NRG3: variants seen among roughly 807,000 people sequenced by gnomAD.
The protein encoded by NRG3 is pro-neuregulin-3, membrane-bound isoform.
NRG3 carries 31 observed loss-of-function variants against 66.9 expected under a neutral mutation model. The ratio of observed to expected loss-of-function variants is 0.46; its 90% CI spans 0.35 to 0.63. The LOEUF (loss-of-function observed/expected upper bound fraction) is 0.63. Ranked by LOEUF, NRG3 falls within the 20% of genes least tolerant of loss-of-function variation. The probability of loss-of-function intolerance (pLI) is 0.00; values close to 1 mark genes in which losing one functional copy is unlikely to be tolerated. For synonymous variants in NRG3, 393 were observed against 359.4 expected, an observed-to-expected ratio of 1.09 and a Z score of -1.06; for missense variants, 910 against 878.9, an observed-to-expected ratio of 1.04 and a Z score of -0.45.
At chr10:81,976,890 CTT>C (rs1187133016) in intron 1 of NRG3, among the ~76,000 whole-genome samples, 1 of 152,152 alleles carries the variant, frequency 6.6e-6, no homozygotes, top group East Asian at 1.9e-4. Context: ...ATCTGATAAA[CTT>C]GTATACAAAC....
At chr10:82,239,827 T>C (rs2076929020) in intron 1 of NRG3, among the ~76,000 whole-genome samples, 1 of 152,170 alleles carries the variant, frequency 6.6e-6, no homozygotes, top group Middle Eastern at 3.2e-3. Flanking sequence ...ATTTTGATAA[T>C]ATAGTGTGAG....
At chr10:82,579,308 A>G (rs756007303) in intron 2 of NRG3, among the ~76,000 whole-genome samples, 31 of 152,062 alleles carry the variant, frequency 2.0e-4, no homozygotes, top group Admixed American at 5.3e-4. Flanking sequence ...ATCACCTTAA[A>G]TAAAGGTAAA....
At chr10:82,810,782 G>C (rs1329623466) in intron 3 of NRG3, among the ~76,000 whole-genome samples, 1 of 149,964 alleles carries the variant, frequency 6.7e-6, no homozygotes, top group East Asian at 1.9e-4. Context: ...AATAGTCCAA[G>C]CCAGTGATGC....
At chr10:82,631,220 C>T (rs1408393850) in intron 2 of NRG3, among the ~76,000 whole-genome samples, 1 of 152,158 alleles carries the variant, frequency 6.6e-6, no homozygotes, top group Non-Finnish European at 1.5e-5. Context: ...AATGTCTCCA[C>T]TGCAGTATTT....
chr10:81,979,122 G>A (rs556947763), intron 1 of NRG3, among the ~76,000 whole-genome samples: 1 of 148,886 alleles, frequency 6.7e-6, no homozygotes, highest in East Asian at 2.0e-4. Context: ...CTGGGAGGCA[G>A]AGGTTGCAGT....
chr10:82,801,392 GA>G (rs1021291329), intron 3 of NRG3, among the ~76,000 whole-genome samples: 4 of 152,092 alleles, frequency 2.6e-5, no homozygotes, highest in African/African-American at 9.7e-5. Context: ...GATAGTGTTA[GA>G]AAAACATCTT....
chr10:82,230,908 G>A (rs1432749845), intron 1 of NRG3, among the ~76,000 whole-genome samples: 3 of 151,960 alleles, frequency 2.0e-5, no homozygotes, highest in African/African-American at 7.3e-5. Flanking sequence ...AACATGCAAA[G>A]GCATAAAAAT....
At chr10:82,245,973 T>G (rs2077219133) in intron 1 of NRG3, among the ~76,000 whole-genome samples, 1 of 142,012 alleles carries the variant, frequency 7.0e-6, no homozygotes, top group Non-Finnish European at 1.5e-5. Flanking sequence ...TTTCCCAGTC[T>G]TCTGGTTTTT....
At chr10:81,890,612 A>G (rs1040356588) in intron 1 of NRG3, among the ~76,000 whole-genome samples, 10 of 152,242 alleles carry the variant, frequency 6.6e-5, no homozygotes, top group African/African-American at 2.4e-4. Context: ...GGTATTCCAC[A>G]GTGTATTCCT....
At chr10:82,889,407 G>A (rs1842969564) in intron 4 of NRG3, among the ~76,000 whole-genome samples, 1 of 152,184 alleles carries the variant, frequency 6.6e-6, no homozygotes, top group Non-Finnish European at 1.5e-5. Flanking sequence ...GAGAGAAGGA[G>A]GTTTGGAGAG....
intron 6 of NRG3, among the ~76,000 whole-genome samples, chr10:82,959,436 A>G (rs1259513445): frequency 6.6e-6 from 1 of 152,180 alleles, no homozygotes; most frequent in Admixed American, 6.5e-5. Context: ...TCTATGTAGG[A>G]AGAAACACAA....
chr10:82,347,895 C>A (rs1223976905), intron 1 of NRG3, among the ~76,000 whole-genome samples: 1 of 151,802 alleles, frequency 6.6e-6, no homozygotes, highest in East Asian at 1.9e-4. Context: ...GCAACCCCTG[C>A]CTTTTTTTGT....
intron 1 of NRG3, among the ~76,000 whole-genome samples, chr10:82,006,536 A>G (rs746385452): frequency 3.2e-4 from 49 of 152,078 alleles, no homozygotes; most frequent in Non-Finnish European, 5.0e-4. Context: ...TATAGTCTCT[A>G]CGTAATAATT....
chr10:82,009,375 A>G (rs1045802641), intron 1 of NRG3, among the ~76,000 whole-genome samples: 1 of 152,022 alleles, frequency 6.6e-6, no homozygotes, highest in African/African-American at 2.4e-5. Flanking sequence ...TATTTCCCCT[A>G]TAAATTAGTT....
chr10:82,848,575 GAC>G (rs1336596659), intron 3 of NRG3, among the ~76,000 whole-genome samples: 3 of 152,180 alleles, frequency 2.0e-5, no homozygotes, highest in African/African-American at 7.2e-5. Context: ...AATGAGTAAA[GAC>G]TTTGGGAGAC....
chr10:82,890,233 A>G (rs1843037788), intron 4 of NRG3, among the ~76,000 whole-genome samples: 1 of 152,066 alleles, frequency 6.6e-6, no homozygotes, highest in Admixed American at 6.6e-5. Context: ...TAAAAAACCT[A>G]AATATGTTGC....
At chr10:82,141,003 A>G (rs1308756122) in intron 1 of NRG3, among the ~76,000 whole-genome samples, 1 of 152,166 alleles carries the variant, frequency 6.6e-6, no homozygotes, top group Admixed American at 6.6e-5. Flanking sequence ...ATATTCATAT[A>G]TATGTTTATG....
chr10:82,085,372 T>G (rs994570568), intron 1 of NRG3, among the ~76,000 whole-genome samples: 2 of 152,106 alleles, frequency 1.3e-5, no homozygotes, highest in African/African-American at 4.8e-5. Flanking sequence ...TCTTTTGTGT[T>G]GCTATAATAG....
chr10:82,042,810 CTG>C (rs2063105343), intron 1 of NRG3, among the ~76,000 whole-genome samples: 1 of 151,912 alleles, frequency 6.6e-6, no homozygotes, highest in Non-Finnish European at 1.5e-5. Context: ...TAGTTTTTAT[CTG>C]TTTTTAATAT....
Sources: gnomAD v4.1 joint callset for allele counts (sites outside exome capture counted in the v4.1 genomes callset) on GRCh38, gnomAD v4.1.1 for gene constraint, MANE v1.5 for transcripts, NCBI Gene and HGNC (gene_info 2026-07-23, HGNC 2026-07-21) for gene names.